Variants in STK32B observed in about 807,000 individuals in gnomAD.
The protein encoded by STK32B is serine/threonine kinase 32B, also known as serine/threonine-protein kinase 32B.
STK32B carries 43 observed loss-of-function variants against 52.6 expected under a neutral mutation model. The ratio of observed to expected loss-of-function variants is 0.82; its 90% CI spans 0.64 to 1.05. The LOEUF is 1.05. Ranked by LOEUF, STK32B falls within the 50% of genes least tolerant of loss-of-function variation. The pLI, the probability that STK32B is intolerant of heterozygous loss-of-function variation, is 0.00. For missense variants in STK32B, 621 were observed against 534.6 expected (o/e 1.16, Z -1.59); for synonymous variants, 238 against 204.3 (o/e 1.17, Z -1.41).
At chr4:5,454,811 C>T (rs1716352991) in intron 7 of STK32B, among the ~76,000 whole-genome samples, 1 of 152,106 alleles carries the variant, frequency 6.6e-6, no homozygotes, top group African/African-American at 2.4e-5. Context: ...CGGCTCTCAT[C>T]ATTCTAACTA....
chr4:5,496,990 A>G lies in STK32B; in HGVS notation c.1107-1955A>G, dbSNP rs375773770. On this transcript the variant is annotated intron_variant, in intron 11 of 11. Transcript: ENST00000282908. ...TGAGGATGGGGAGAGCTCTGGAGAGAAAAGAGTTTCAACTAGTTTTAAGAT... is the reference window on the plus strand; with the variant it reads ...TGAGGATGGGGAGAGCTCTGGAGAGGAAAGAGTTTCAACTAGTTTTAAGAT... 2.2e-4 allele frequency among the ~76,000 whole-genome samples: 34 copies of G among 152,320 alleles called. No individual in the cohort carries two copies. In the South Asian group the frequency reaches 2.3e-3, roughly 10 times the overall value.
intron 11 of STK32B, among the ~76,000 whole-genome samples, chr4:5,489,125 G>A (rs951255224): frequency 6.6e-6 from 1 of 152,120 alleles, no homozygotes; most frequent in Non-Finnish European, 1.5e-5. Flanking sequence ...GACATTTAAT[G>A]AGTACCTATT....
intron 3 of STK32B, among the ~76,000 whole-genome samples, chr4:5,236,342 T>A (rs896333185): frequency 1.3e-5 from 2 of 152,180 alleles, no homozygotes; most frequent in African/African-American, 4.8e-5. Flanking sequence ...GTTCTTTTTT[T>A]TTAAACTTAC....
At chr4:5,389,588 A>G (rs1446670000) in intron 4 of STK32B, among the ~76,000 whole-genome samples, 1 of 152,162 alleles carries the variant, frequency 6.6e-6, no homozygotes, top group Non-Finnish European at 1.5e-5. Context: ...CTTTACGTTA[A>G]TCACCTCTTG....
At chr4:5,275,085 A>G (rs892289837) in intron 3 of STK32B, among the ~76,000 whole-genome samples, 2 of 152,216 alleles carry the variant, frequency 1.3e-5, no homozygotes, top group Non-Finnish European at 2.9e-5. Context: ...CGTGAGGCCA[A>G]GAACCCCAGG....
intron 1 of STK32B, among the ~76,000 whole-genome samples, chr4:5,059,438 A>G (rs967924055): frequency 1.3e-5 from 2 of 152,186 alleles, no homozygotes; most frequent in African/African-American, 2.4e-5. Context: ...AATGTAAGCA[A>G]ATACCTTTTT....
intron 3 of STK32B, among the ~76,000 whole-genome samples, chr4:5,306,908 C>T (rs1255450473): frequency 6.6e-6 from 1 of 152,070 alleles, no homozygotes; most frequent in Non-Finnish European, 1.5e-5. Flanking sequence ...CTTAGTTTTC[C>T]TGCACACAAA....
chr4:5,189,014 T>A (rs545059717), intron 3 of STK32B, among the ~76,000 whole-genome samples: 19 of 143,606 alleles, frequency 1.3e-4, no homozygotes, highest in Admixed American at 3.4e-4. Context: ...AGGTATAATT[T>A]AAAAAAAAAA....
At chr4:5,419,622 G>C (rs1325867640) in intron 6 of STK32B, among the ~76,000 whole-genome samples, 1 of 152,166 alleles carries the variant, frequency 6.6e-6, no homozygotes, top group East Asian at 1.9e-4. Context: ...ATGCTGCTTT[G>C]TTGCTTCTCT....
intron 11 of STK32B, among the ~76,000 whole-genome samples, chr4:5,478,353 C>A (rs969296830): frequency 6.6e-6 from 1 of 152,168 alleles, no homozygotes; most frequent in African/African-American, 2.4e-5. Flanking sequence ...GTAAGAGAAT[C>A]CCTTGCGTTT....
chr4:5,331,633 A>G (rs1732258203), intron 4 of STK32B, among the ~76,000 whole-genome samples: 1 of 152,068 alleles, frequency 6.6e-6, no homozygotes, highest in South Asian at 2.1e-4. Flanking sequence ...GGCTGGCCTT[A>G]TCTTCTCTGC....
intron 4 of STK32B, among the ~76,000 whole-genome samples, chr4:5,370,856 CCAGCTACT>C (rs1186449701): frequency 8.6e-5 from 13 of 151,844 alleles, no homozygotes; most frequent in South Asian, 2.1e-4. Context: ...GCCTGTAGTC[CCAGCTACT>C]CAGGAGGCTG....
At chr4:5,206,706 C>G (rs1415119499) in intron 3 of STK32B, among the ~76,000 whole-genome samples, 1 of 152,106 alleles carries the variant, frequency 6.6e-6, no homozygotes, top group African/African-American at 2.4e-5. Flanking sequence ...TCCATAAACC[C>G]AGATCTGTTT....
At chr4:5,492,633 A>AG (rs560449228) in intron 11 of STK32B, among the ~76,000 whole-genome samples, 9,544 of 149,832 alleles carry the variant, frequency 0.064, 325 homozygotes, top group African/African-American at 0.093. Context: ...GTGGTGAGAG[A>AG]GGGCATCCCT....
intron 3 of STK32B, among the ~76,000 whole-genome samples, chr4:5,288,782 G>C (rs1728706403): frequency 6.6e-6 from 1 of 152,000 alleles, no homozygotes; most frequent in Non-Finnish European, 1.5e-5. Flanking sequence ...TATCATTTGT[G>C]CTTTTGGTGT....
chr4:5,491,305 G>C (rs1719712731), intron 11 of STK32B, among the ~76,000 whole-genome samples: 1 of 152,190 alleles, frequency 6.6e-6, no homozygotes, highest in Admixed American at 6.5e-5. Context: ...TTGTGGTTTT[G>C]ATTTGCATTT....
chr4:5,387,942 C>G (rs960011605), intron 4 of STK32B, among the ~76,000 whole-genome samples: 5 of 152,126 alleles, frequency 3.3e-5, no homozygotes, highest in Non-Finnish European at 7.4e-5. Context: ...CGGGGTTTCA[C>G]CATGTTGGCC....
Position 5,394,465 on chromosome 4 carries a change from T to G in STK32B, c.435-3742T>G, listed in dbSNP as rs955060714. 2.6e-5 allele frequency among the ~76,000 whole-genome samples: 4 copies of G among 152,258 alleles called. No homozygotes were observed. The highest frequency in any genetic ancestry group is 6.5e-5 in the Admixed American group (1 of 15,288). On this transcript the variant is annotated intron_variant, in intron 4 of 11. Coordinates refer to ENST00000282908, the MANE Select transcript of STK32B (RefSeq NM_018401.3). This position sits in a 1 kb window ranked among gnomAD's most constrained non-coding sequence, Gnocchi z 4.2. ...GGCTAAACTAAAGGCTCTGCTAAGA[T>G]GCTTTACCCATAAAATGCTATTCTT... is the stretch of plus-strand genomic sequence containing the variant.
intron 4 of STK32B, among the ~76,000 whole-genome samples, chr4:5,341,325 C>T (rs773867710): frequency 6.6e-5 from 10 of 152,188 alleles, no homozygotes; most frequent in Admixed American, 1.3e-4. Context: ...CTCCACTACA[C>T]CTTGTTGCCT....
Sources: allele counts gnomAD v4.1 joint callset (sites outside exome capture counted in the v4.1 genomes callset), GRCh38; gene constraint gnomAD v4.1.1; non-coding constraint Gnocchi (gnomAD v3.1); transcripts MANE v1.5; gene names NCBI Gene and HGNC (gene_info 2026-07-23, HGNC 2026-07-21).